Variants in FBXW7 observed in about 807,000 individuals in gnomAD.
FBXW7 encodes the protein F-box and WD repeat domain containing 7, also known as F-box/WD repeat-containing protein 7.
FBXW7 carries 11 observed loss-of-function variants against 86.3 expected under a neutral mutation model. The observed-to-expected ratio is 0.13, with a 90% CI of 0.08 to 0.21. The LOEUF (loss-of-function observed/expected upper bound fraction) is 0.21, where lower values mean the gene tolerates loss of function less well. Among genes scored for constraint, FBXW7 ranks in the 10% least tolerant of loss-of-function variants. FBXW7 has a pLI of 1.00. For missense variants in FBXW7, 488 were observed against 847.4 expected (o/e 0.58, Z 5.27); for synonymous variants, 313 against 297.9 (o/e 1.05, Z -0.52).
At chr4:152,364,070 T>C (rs1297389866) in intron 4 of FBXW7, among the ~76,000 whole-genome samples, 1 of 152,206 alleles carries the variant, frequency 6.6e-6, no homozygotes, top group Non-Finnish European at 1.5e-5. Context: ...TGCAGCTAAT[T>C]GTGTACTGTG....
chr4:152,376,044 A>G (rs1734482306), intron 4 of FBXW7, among the ~76,000 whole-genome samples: 1 of 152,080 alleles, frequency 6.6e-6, no homozygotes, highest in African/African-American at 2.4e-5. Flanking sequence ...TTAAAGTGGC[A>G]GTTTTGTTTA....
intron 1 of FBXW7, 22 bp downstream of exon 1, chr4:152,535,105 G>A (rs1750398362): frequency 6.5e-6 from 1 of 153,654 alleles, no homozygotes; most frequent in South Asian, 2.1e-4. Flanking sequence ...GCCAGGGGAG[G>A]GGAGGCGGCG....
At chr4:152,377,088 A>T (rs1560823969) in intron 4 of FBXW7, among the ~76,000 whole-genome samples, 1 of 152,176 alleles carries the variant, frequency 6.6e-6, no homozygotes, top group Admixed American at 6.5e-5. Flanking sequence ...GACTAACCCT[A>T]CAAAATACTA....
chr4:152,340,786 G>C (rs1424707227), intron 6 of FBXW7, among the ~76,000 whole-genome samples: 1 of 152,000 alleles, frequency 6.6e-6, no homozygotes, highest in African/African-American at 2.4e-5. Flanking sequence ...GTATTATGTT[G>C]TTGCTTTTTC....
At chr4:152,526,038 C>T (rs535397853) in intron 2 of FBXW7, among the ~76,000 whole-genome samples, 20 of 152,240 alleles carry the variant, frequency 1.3e-4, no homozygotes, top group African/African-American at 3.4e-4. Flanking sequence ...TTTTGATTTG[C>T]GTTTCTCTAA....
intron 8 of FBXW7, among the ~76,000 whole-genome samples, chr4:152,332,250 T>C (rs1729632366): frequency 6.6e-6 from 1 of 152,130 alleles, no homozygotes; most frequent in Non-Finnish European, 1.5e-5. Context: ...GTCTGGCTCA[T>C]AGGAGGTGTT....
At chr4:152,442,176 C>T (rs1462273072) in intron 2 of FBXW7, among the ~76,000 whole-genome samples, 2 of 152,192 alleles carry the variant, frequency 1.3e-5, no homozygotes, top group Non-Finnish European at 2.9e-5. Flanking sequence ...AGGTTTCCAA[C>T]TTCTCATTTC....
At chr4:152,352,849 C>T in intron 4 of FBXW7, 1 of 1,498,994 alleles carries the variant, frequency 6.7e-7, no homozygotes, top group Non-Finnish European at 8.8e-7. Context: ...CCCTCAGCAG[C>T]AGAGGGATCA....
intron 2 of FBXW7, among the ~76,000 whole-genome samples, chr4:152,520,290 G>A (rs564043379): frequency 1.0e-3 from 155 of 151,706 alleles, no homozygotes; most frequent in African/African-American, 3.4e-3. Context: ...AAAATTAGCC[G>A]GGCGCGGTGG....
chr4:152,518,077 C>A (rs1399338612), intron 2 of FBXW7, among the ~76,000 whole-genome samples: 1 of 152,184 alleles, frequency 6.6e-6, no homozygotes, highest in African/African-American at 2.4e-5. Flanking sequence ...CAACCTCCAC[C>A]ACCCGGGTTC....
chr4:152,392,732 G>A (rs995631953), intron 4 of FBXW7, among the ~76,000 whole-genome samples: 2 of 152,146 alleles, frequency 1.3e-5, no homozygotes, highest in African/African-American at 4.8e-5. Flanking sequence ...AGTCATCCTA[G>A]TGGAGTGTTA....
At chr4:152,509,689 C>A (rs1207553978) in intron 2 of FBXW7, among the ~76,000 whole-genome samples, 1 of 152,168 alleles carries the variant, frequency 6.6e-6, no homozygotes, top group Non-Finnish European at 1.5e-5. Context: ...AACAGTACTA[C>A]CCCTCAATAA....
At chr4:152,468,985 A>G (rs1461783789) in intron 2 of FBXW7, among the ~76,000 whole-genome samples, 4 of 152,090 alleles carry the variant, frequency 2.6e-5, no homozygotes, top group Non-Finnish European at 4.4e-5. Context: ...ATTTATTACA[A>G]ATTTACAGTA....
intron 2 of FBXW7, among the ~76,000 whole-genome samples, chr4:152,516,264 A>G (rs1381709297): frequency 6.6e-6 from 1 of 152,268 alleles, no homozygotes. Flanking sequence ...CCGGCCGCAC[A>G]GCAGGAGGTG....
chr4:152,416,808 A>G (rs1180400301), intron 2 of FBXW7, among the ~76,000 whole-genome samples: 3 of 152,204 alleles, frequency 2.0e-5, no homozygotes, highest in African/African-American at 7.2e-5. Flanking sequence ...GACAATATAT[A>G]TTTTTTGTTA....
At chr4:152,346,151 T>C (rs145238958) in intron 6 of FBXW7, among the ~76,000 whole-genome samples, 152 of 152,276 alleles carry the variant, frequency 1.0e-3, no homozygotes, top group African/African-American at 3.4e-3. Context: ...GTTATAAAGT[T>C]CATAATATTC....
In FBXW7 at chr4:152,411,616, T is replaced by C. The variant is rs1737976807; in HGVS notation, c.188A>G (p.Glu63Gly). 2 of 1,614,052 alleles carry C rather than the reference T, an allele frequency of 1.2e-6. No individual in the cohort carries two copies. The highest frequency in any genetic ancestry group is 1.6e-4 in the Middle Eastern group (1 of 6,062). ...ATCATTTTGGCCTCCAGGTCTAGGTTCTACTCCAACAACTTCACCATTCCT... is the reference window on the plus strand; with the variant it reads ...ATCATTTTGGCCTCCAGGTCTAGGTCCTACTCCAACAACTTCACCATTCCT... ...TARNGEVVGVEPRPGGQNDSQ... is the reference protein window; with the variant it reads ...TARNGEVVGVGPRPGGQNDSQ... The change falls in exon 4 of 14, where the codon GAA becomes GGA. Residue 63 changes from glutamate (E) to glycine (G), a missense_variant. Glu to Gly is a moderately conservative substitution (Grantham distance 98, BLOSUM62 -2). Transcript: ENST00000281708.
At chr4:152,390,548 A>G (rs1735909024) in intron 4 of FBXW7, among the ~76,000 whole-genome samples, 1 of 152,146 alleles carries the variant, frequency 6.6e-6, no homozygotes, top group African/African-American at 2.4e-5. Flanking sequence ...TCATGCAAAA[A>G]GCCTCATGTA....
At chr4:152,424,563 C>A (rs1305378049) in intron 2 of FBXW7, among the ~76,000 whole-genome samples, 1 of 152,122 alleles carries the variant, frequency 6.6e-6, no homozygotes, top group African/African-American at 2.4e-5. Context: ...GCACCACAGC[C>A]CACTTGTTTT....
Sources: gnomAD v4.1 joint callset for allele counts (sites outside exome capture counted in the v4.1 genomes callset) on GRCh38, gnomAD v4.1.1 for gene constraint, MANE v1.5 for transcripts, NCBI Gene and HGNC (gene_info 2026-07-23, HGNC 2026-07-21) for gene names.